The following BUB1B variants were observed in gnomAD, a reference collection of about 807,000 sequenced individuals.
The protein encoded by BUB1B is BUB1 mitotic checkpoint serine/threonine kinase B.
In BUB1B, 86 loss-of-function variants were observed where a neutral mutation model predicts 137.7. The observed-to-expected ratio is 0.62, with a 90% CI of 0.52 to 0.75. The LOEUF (loss-of-function observed/expected upper bound fraction) is 0.75, where lower values mean the gene tolerates loss of function less well. Among genes scored for constraint, BUB1B ranks in the 30% least tolerant of loss-of-function variants. The pLI is 0.00. For missense variants in BUB1B, 1,130 were observed against 1,236.9 expected, an observed-to-expected ratio of 0.91 and a Z score of 1.30; for synonymous variants, 420 against 417.9, an observed-to-expected ratio of 1.00 and a Z score of -0.06.
At chr15:40,184,372 A>G (rs1035238048) in intron 6 of BUB1B, among the ~76,000 whole-genome samples, 3 of 151,552 alleles carry the variant, frequency 2.0e-5, no homozygotes, top group African/African-American at 4.9e-5. Context: ...TAGTGCAATC[A>G]TAGCTCACCG....
chr15:40,213,577 C>T, intron 20 of BUB1B, 103 bp downstream of exon 20: 1 of 1,321,242 alleles, frequency 7.6e-7, no homozygotes, highest in Admixed American at 1.7e-5. Context: ...ACTCTGTCAC[C>T]TAGGTTGGAG....
At chr15:40,166,049 T>G (rs903716918) in intron 2 of BUB1B, among the ~76,000 whole-genome samples, 9 of 152,110 alleles carry the variant, frequency 5.9e-5, no homozygotes, top group African/African-American at 2.2e-4. Context: ...GATGGGTCCT[T>G]GCCATGTTGG....
Position 40,165,092 on chromosome 15 carries a change from T to C in BUB1B, c.75T>C (p.Ser25=), listed in dbSNP as rs1250775148. Reference sequence around the variant, plus strand: ...TGGAGGGAGATGAATGGGAACTGAGTAAAGAAAATGTACAACCTTTAAGGC... The same window carrying C: ...TGGAGGGAGATGAATGGGAACTGAGCAAAGAAAATGTACAACCTTTAAGGC... ...MSLEGDEWEL[S]KENVQPLRQG... Residue 25 remains serine (S), a synonymous_variant, in exon 2 of 23, where the codon AGT becomes AGC. Coordinates refer to ENST00000287598, the MANE Select transcript of BUB1B (RefSeq NM_001211.6). 6.2e-7 allele frequency: 1 copy of C among 1,614,120 alleles called. No homozygotes were observed. The highest frequency in any genetic ancestry group is 1.7e-5 in the Admixed American group (1 of 60,006).
At chr15:40,177,792 C>CT (rs763883313) in intron 5 of BUB1B, among the ~76,000 whole-genome samples, 176 of 136,994 alleles carry the variant, frequency 1.3e-3, no homozygotes, top group Non-Finnish European at 2.0e-3. Flanking sequence ...TTTATTTAGG[C>CT]TTTTTTTTTT....
intron 19 of BUB1B, 113 bp from the exon 20 acceptor site, chr15:40,213,219 A>G (rs1184128722): frequency 6.1e-6 from 7 of 1,139,252 alleles, no homozygotes; most frequent in African/African-American, 1.5e-5. Context: ...AGAGGTGCCT[A>G]CGTTCCAGTA....
At chr15:40,202,301 C>A in intron 12 of BUB1B, 104 bp from the exon 13 acceptor site, 1 of 998,732 alleles carries the variant, frequency 1.0e-6, no homozygotes, top group Non-Finnish European at 1.5e-6. Context: ...AAACAGGTTG[C>A]CTTCCTGCTT....
Position 40,202,478 on chromosome 15 carries a change from T to C in BUB1B, c.1628+13T>C, listed in dbSNP as rs1468798434. The stretch of plus-strand genomic sequence containing the variant: ...AGAAGAATAAAAGGTACGTTGTTTT[T>C]TTGTTTTTTTGGTTTTTTTTTACTT... On this transcript the variant is annotated intron_variant, in intron 13 of 22. Transcript: ENST00000287598. The C allele has an allele frequency of 6.2e-7, 1 of 1,609,452 alleles. No homozygotes were observed. Among genetic ancestry groups the C allele is most frequent in the African/African-American group, 1.3e-5 (1 of 74,596 alleles).
chr15:40,183,649 T>A, intron 5 of BUB1B, 65 bp from the exon 6 acceptor site: 1 of 1,509,194 alleles, frequency 6.6e-7, no homozygotes. Context: ...TTTAACAAAT[T>A]GGAAATTTTG....
At chr15:40,189,545 A>C (rs144120184) in intron 8 of BUB1B, among the ~76,000 whole-genome samples, 42 of 152,296 alleles carry the variant, frequency 2.8e-4, no homozygotes, top group African/African-American at 5.1e-4. Flanking sequence ...TCAGTACTTC[A>C]TTATTTTTTA....
At chr15:40,165,247 T>C in intron 2 of BUB1B, 51 bp downstream of exon 2, 1 of 1,612,330 alleles carries the variant, frequency 6.2e-7, no homozygotes, top group East Asian at 2.2e-5. Flanking sequence ...CTAAATGTTG[T>C]AGATAACGTG....
intron 2 of BUB1B, 80 bp downstream of exon 2, chr15:40,165,276 A>T: frequency 6.3e-7 from 1 of 1,586,714 alleles, no homozygotes; most frequent in Non-Finnish European, 8.6e-7. Flanking sequence ...TCCATGAGAG[A>T]TGGCATAATG....
chr15:40,163,435 T>A (rs144919568), intron 1 of BUB1B, among the ~76,000 whole-genome samples: 5 of 152,190 alleles, frequency 3.3e-5, no homozygotes, highest in African/African-American at 1.2e-4. Context: ...AAAGTGTGTA[T>A]GATAATCATA....
intron 2 of BUB1B, among the ~76,000 whole-genome samples, chr15:40,165,682 A>C (rs986879328): frequency 6.6e-6 from 1 of 152,170 alleles, no homozygotes; most frequent in African/African-American, 2.4e-5. Context: ...GGACCTGTGG[A>C]TCTCCTTTAA....
chr15:40,171,745 T>G (rs2037165161), intron 4 of BUB1B, among the ~76,000 whole-genome samples: 1 of 152,148 alleles, frequency 6.6e-6, no homozygotes, highest in Non-Finnish European at 1.5e-5. Context: ...TCTTTGGACT[T>G]TTTTCACCTA....
At chr15:40,169,244 T>G (rs2037133974) in intron 2 of BUB1B, among the ~76,000 whole-genome samples, 1 of 152,202 alleles carries the variant, frequency 6.6e-6, no homozygotes, top group Admixed American at 6.5e-5. Flanking sequence ...ATTTATAGTA[T>G]TATTCTTCTC....
chr15:40,165,312 G>A, intron 2 of BUB1B, 116 bp downstream of exon 2: 1 of 1,377,836 alleles, frequency 7.3e-7, no homozygotes, highest in Non-Finnish European at 1.0e-6. Context: ...TTGGTAGTAT[G>A]AGAATCTGTT....
chr15:40,221,085 A>G lies in BUB1B; in HGVS notation c.*326A>G, dbSNP rs1047193. The G allele has an allele frequency of 6.7e-4, 244 of 365,458 alleles. 2 individuals are homozygous for G. The highest frequency in any genetic ancestry group is 4.8e-3 in the African/African-American group (233 of 49,014). 22.6% of individuals were successfully genotyped at this position (365,458 alleles called of 1,614,324 possible). The stretch of plus-strand genomic sequence containing the variant: ...ATTTGTAAAATGTTCTCTTATGATC[A>G]CCATGTATTTTGTAAATAATAAAAT... On this transcript the variant is annotated 3_prime_UTR_variant, in exon 23 of 23. Transcript: ENST00000287598.
At chr15:40,211,709 G>T (rs1399712142) in intron 18 of BUB1B, among the ~76,000 whole-genome samples, 2 of 152,062 alleles carry the variant, frequency 1.3e-5, no homozygotes, top group Non-Finnish European at 2.9e-5. Flanking sequence ...GAGCCCTTCT[G>T]TTTTATACTC....
rs1202222343 is a variant in BUB1B, at chr15:40,206,241, A to T, written c.1792A>T (p.Asn598Tyr). The change falls in exon 15 of 23, where the codon AAT becomes TAT. Residue 598 changes from asparagine to tyrosine, a missense_variant. By Grantham distance (143) the Asn-to-Tyr change is moderately radical. Transcript: ENST00000287598. ...GGATGCCATTATCACAGGCTTCAGA[A>T]ATGTAACAATTTGTCCTAACCCAGA... ...SEDAIITGFR[N>Y]VTICPNPEDT... 1.9e-6 allele frequency: 3 copies of T among 1,614,200 alleles called. No individual in the cohort carries two copies. The highest frequency in any genetic ancestry group is 2.5e-6 in the Non-Finnish European group (3 of 1,180,030).
Sources: allele counts gnomAD v4.1 joint callset (sites outside exome capture counted in the v4.1 genomes callset), GRCh38; gene constraint gnomAD v4.1.1; transcripts MANE v1.5; gene names NCBI Gene and HGNC (gene_info 2026-07-23, HGNC 2026-07-21).